The following STX18 variants were observed in gnomAD, a reference collection of about 807,000 sequenced individuals.
The protein encoded by STX18 is syntaxin-18.
STX18 carries 40 observed loss-of-function variants against 50.1 expected under a neutral mutation model. That is an observed-to-expected ratio of 0.80 (90% CI 0.62 to 1.04). The LOEUF is 1.04. Among genes scored for constraint, STX18 ranks in the 50% least tolerant of loss-of-function variants. The pLI, the probability that STX18 is intolerant of heterozygous loss-of-function variation, is 0.00. For synonymous variants in STX18, 158 were observed against 151.8 expected (o/e 1.04, Z -0.30); for missense variants, 410 against 415.8 (o/e 0.99, Z 0.12).
intron 1 of STX18, among the ~76,000 whole-genome samples, chr4:4,477,662 C>G (rs1214371136): frequency 6.6e-6 from 1 of 152,178 alleles, no homozygotes; most frequent in African/African-American, 2.4e-5. Context: ...TCCAGCCAGT[C>G]TAAGTACCAG....
intron 9 of STX18, among the ~76,000 whole-genome samples, chr4:4,423,283 T>C (rs1455962256): frequency 6.6e-6 from 1 of 152,172 alleles, no homozygotes; most frequent in African/African-American, 2.4e-5. Context: ...TGCTACCACA[T>C]GGGGTGGTCA....
At position 4,461,806 on chromosome 4, in the gene STX18, C is replaced by T. The variant is rs138683097; in HGVS notation, c.237-2319G>A. ...TGTGGGAACCAACTTCCCCAAATGA[C>T]ACCTTGCCTCCTCCCAGAGCCTCCT... On this transcript the variant is annotated intron_variant, in intron 2 of 10. Transcript: ENST00000306200. 3.1e-3 allele frequency: 1,420 copies of T among 452,630 alleles called. 7 individuals are homozygous for T. Among genetic ancestry groups the T allele is most frequent in the Non-Finnish European group, 4.8e-3 (1,084 of 224,794 alleles). The allele number at this position is 452,630 out of a possible 1,614,324, so 28.0% of individuals were successfully genotyped here. A position where few individuals can be genotyped will look rare whatever the true frequency, so the allele number is the denominator to read the frequency against.
In STX18 at chr4:4,438,390, G is replaced by A. The variant is rs372382816; in HGVS notation, c.613+4C>T. The A allele has an allele frequency of 1.2e-5, 19 of 1,604,266 alleles. No homozygotes were observed. Among genetic ancestry groups the A allele is most frequent in the South Asian group, 1.1e-4 (10 of 90,102 alleles). Reference sequence around the variant, plus strand: ...CAAGGTGAGATTTTCATCTCAATTCGTACCTGGACGTTCTTCAGTGGCAGG... The same window carrying A: ...CAAGGTGAGATTTTCATCTCAATTCATACCTGGACGTTCTTCAGTGGCAGG... On this transcript the variant is annotated splice_donor_region_variant and intron_variant, in intron 6 of 10. Coordinates refer to ENST00000306200, the MANE Select transcript of STX18 (RefSeq NM_016930.4).
intron 2 of STX18, among the ~76,000 whole-genome samples, chr4:4,468,918 C>T (rs1166129236): frequency 6.6e-6 from 1 of 152,234 alleles, no homozygotes; most frequent in Non-Finnish European, 1.5e-5. Context: ...ACTATGGTAA[C>T]GTCACACAAT....
chr4:4,541,670 C>G, intron 1 of STX18, 127 bp downstream of exon 1: 2 of 1,087,694 alleles, frequency 1.8e-6, no homozygotes. Context: ...GAGGCCAACT[C>G]TTCTGTCCCC....
At chr4:4,447,710 T>A (rs1165519566) in intron 5 of STX18, among the ~76,000 whole-genome samples, 1 of 146,866 alleles carries the variant, frequency 6.8e-6, no homozygotes, top group African/African-American at 2.5e-5. Context: ...CTACATCACA[T>A]AGTAAGAGCT....
intron 5 of STX18, among the ~76,000 whole-genome samples, chr4:4,452,299 G>A (rs560974102): frequency 1.3e-5 from 2 of 152,330 alleles, no homozygotes; most frequent in African/African-American, 2.4e-5. Context: ...CACAGAAGCC[G>A]CAATAAGTTA....
At chr4:4,439,733 C>G (rs760647889) in intron 5 of STX18, among the ~76,000 whole-genome samples, 4 of 152,094 alleles carry the variant, frequency 2.6e-5, no homozygotes, top group Non-Finnish European at 4.4e-5. Flanking sequence ...CTTGAAGGCA[C>G]AGACTTGTTT....
At chr4:4,470,296 C>G (rs1416982265) in intron 2 of STX18, among the ~76,000 whole-genome samples, 1 of 152,020 alleles carries the variant, frequency 6.6e-6, no homozygotes, top group Admixed American at 6.6e-5. Flanking sequence ...CCACTAAATG[C>G]GCAATACTCC....
At chr4:4,439,039 CATAT>C (rs1367134916) in intron 5 of STX18, among the ~76,000 whole-genome samples, 1 of 148,230 alleles carries the variant, frequency 6.7e-6, no homozygotes, top group Non-Finnish European at 1.5e-5. Context: ...CCCATGCACA[CATAT>C]ATACATACCC....
At chr4:4,538,007 G>A (rs1731419536) in intron 1 of STX18, among the ~76,000 whole-genome samples, 1 of 151,822 alleles carries the variant, frequency 6.6e-6, no homozygotes, top group Admixed American at 6.6e-5. Flanking sequence ...TCTGTGCTAT[G>A]ACCTCAACTG....
At chr4:4,486,197 C>CA in intron 1 of STX18, among the ~76,000 whole-genome samples, 1 of 152,302 alleles carries the variant, frequency 6.6e-6, no homozygotes, top group African/African-American at 2.4e-5. Flanking sequence ...CTCCTACCAC[C>CA]AACCCCGTCA....
chr4:4,531,808 T>G (rs1305589938), intron 1 of STX18, among the ~76,000 whole-genome samples: 1 of 152,222 alleles, frequency 6.6e-6, no homozygotes, highest in Non-Finnish European at 1.5e-5. Context: ...ATAATTTTCC[T>G]TTTATCAATA....
chr4:4,534,974 GACCCTC>G (rs1428102308), intron 1 of STX18, among the ~76,000 whole-genome samples: 8 of 152,296 alleles, frequency 5.3e-5, no homozygotes, highest in Admixed American at 3.9e-4. Context: ...CTGACACTCT[GACCCTC>G]ACCCGGGCCT....
At chr4:4,467,306 C>T (rs548210475) in intron 2 of STX18, among the ~76,000 whole-genome samples, 2 of 152,160 alleles carry the variant, frequency 1.3e-5, no homozygotes, top group African/African-American at 4.8e-5. Flanking sequence ...CAAAGTTAAA[C>T]TATAAATTAA....
chr4:4,485,537 G>C (rs1728660012), intron 1 of STX18, among the ~76,000 whole-genome samples: 1 of 152,134 alleles, frequency 6.6e-6, no homozygotes, highest in Non-Finnish European at 1.5e-5. Flanking sequence ...TTTGAGTTTA[G>C]GAGACATGAT....
At chr4:4,501,468 G>A (rs771796653) in intron 1 of STX18, among the ~76,000 whole-genome samples, 46 of 152,216 alleles carry the variant, frequency 3.0e-4, no homozygotes, top group South Asian at 1.2e-3. Context: ...TCTTTCACTC[G>A]TTAGTGATTA....
chr4:4,475,471 C>CAA (rs11296481), intron 1 of STX18, among the ~76,000 whole-genome samples: 1 of 144,484 alleles, frequency 6.9e-6, no homozygotes, highest in Non-Finnish European at 1.5e-5. Context: ...TAAAAAAAAA[C>CAA]AAAAAAAAAA....
chr4:4,494,325 T>G (rs1421777678), intron 1 of STX18, among the ~76,000 whole-genome samples: 1 of 152,210 alleles, frequency 6.6e-6, no homozygotes, highest in Non-Finnish European at 1.5e-5. Flanking sequence ...CTGCATTCCC[T>G]GATCCCTAAG....
Sources: allele counts gnomAD v4.1 joint callset (sites outside exome capture counted in the v4.1 genomes callset), GRCh38; gene constraint gnomAD v4.1.1; transcripts MANE v1.5; gene names NCBI Gene and HGNC (gene_info 2026-07-23, HGNC 2026-07-21).